The following TMEM217B variants were observed in gnomAD, a reference collection of about 807,000 sequenced individuals.
The protein encoded by TMEM217B is transmembrane protein 217B, also known as putative transmembrane protein 217B.
the TMEM217B span, among the ~76,000 whole-genome samples, chr6:37,246,565 C>T: frequency 2.8e-4 from 43 of 152,144 alleles, no homozygotes; most frequent in African/African-American, 9.9e-4. Flanking sequence ...TGGCTTCTGA[C>T]CCTGCTGTGC....
At chr6:37,228,722 G>GC in the TMEM217B span, among the ~76,000 whole-genome samples, 1 of 150,996 alleles carries the variant, frequency 6.6e-6, no homozygotes. Flanking sequence ...TAATAGCTGG[G>GC]CGCAGTGGCT....
At chr6:37,249,444 C>A in the TMEM217B span, among the ~76,000 whole-genome samples, 1 of 152,088 alleles carries the variant, frequency 6.6e-6, no homozygotes, top group Non-Finnish European at 1.5e-5. Context: ...CTCAGCCTCC[C>A]AAGTAGCTGG....
chr6:37,218,328 C>G, the TMEM217B span: 1 of 1,201,108 alleles, frequency 8.3e-7, no homozygotes, highest in Non-Finnish European at 1.1e-6. Flanking sequence ...GCCGCCACGC[C>G]TGGCTAATTT....
At chr6:37,218,488 T>A in the TMEM217B span, 1 of 1,614,048 alleles carries the variant, frequency 6.2e-7, no homozygotes, top group Admixed American at 1.7e-5. Context: ...AAATTGATAA[T>A]CTTTTATTTC....
At chr6:37,240,027 C>CCT in the TMEM217B span, among the ~76,000 whole-genome samples, 2 of 152,048 alleles carry the variant, frequency 1.3e-5, no homozygotes. Context: ...TGGTCAGTAG[C>CCT]CTCTGGGTAA....
At chr6:37,231,671 C>CA in the TMEM217B span, among the ~76,000 whole-genome samples, 1,822 of 60,144 alleles carry the variant, frequency 0.03, 45 homozygotes, top group African/African-American at 0.086. Flanking sequence ...GACTCCATCT[C>CA]AAAAAAAAAA....
chr6:37,229,352 T>TGTTTTG, the TMEM217B span, among the ~76,000 whole-genome samples: 1 of 137,018 alleles, frequency 7.3e-6, no homozygotes, highest in Non-Finnish European at 1.6e-5. Flanking sequence ...TTTTTTTTTT[T>TGTTTTG]TTTTTTTTGA....
the TMEM217B span, among the ~76,000 whole-genome samples, chr6:37,224,904 C>T: frequency 1.1e-4 from 17 of 151,494 alleles, no homozygotes; most frequent in Admixed American, 9.2e-4. Flanking sequence ...GAAGACCAGT[C>T]ATGGTGGCTC....
chr6:37,229,134 C>T, the TMEM217B span, among the ~76,000 whole-genome samples: 2 of 152,164 alleles, frequency 1.3e-5, no homozygotes, highest in Non-Finnish European at 2.9e-5. Context: ...TTTATTTCCT[C>T]GTTGATAGTT....
the TMEM217B span, chr6:37,218,447 G>A: frequency 6.2e-7 from 1 of 1,610,504 alleles, no homozygotes; most frequent in Non-Finnish European, 8.5e-7. Context: ...AAAGTACTGG[G>A]ATTCCAGGTG....
At chr6:37,225,610 C>A in the TMEM217B span, among the ~76,000 whole-genome samples, 7 of 152,212 alleles carry the variant, frequency 4.6e-5, no homozygotes, top group South Asian at 4.1e-4. Context: ...AGATAGCAAA[C>A]GTCCTCTTTG....
At chr6:37,214,158 A>G in the TMEM217B span, among the ~76,000 whole-genome samples, 4 of 152,234 alleles carry the variant, frequency 2.6e-5, no homozygotes, top group African/African-American at 9.6e-5. Context: ...TGAATGTGCA[A>G]TTCAGTGACA....
At chr6:37,215,503 A>G in the TMEM217B span, among the ~76,000 whole-genome samples, 1 of 133,446 alleles carries the variant, frequency 7.5e-6, no homozygotes, top group Non-Finnish European at 1.6e-5. Context: ...CCCGGGAGGT[A>G]GAGGTTGCAG....
the TMEM217B span, chr6:37,258,065 G>C: frequency 7.0e-7 from 1 of 1,426,620 alleles, no homozygotes; most frequent in Non-Finnish European, 9.5e-7. Flanking sequence ...CGCCACAGAG[G>C]CCAGAAGACT....
the TMEM217B span, among the ~76,000 whole-genome samples, chr6:37,224,796 G>A: frequency 6.6e-4 from 100 of 152,064 alleles, no homozygotes; most frequent in African/African-American, 2.4e-3. Context: ...ACAGTATGAT[G>A]ATAACCTTTT....
the TMEM217B span, among the ~76,000 whole-genome samples, chr6:37,238,387 T>A: frequency 1.5e-4 from 23 of 152,338 alleles, no homozygotes; most frequent in Middle Eastern, 3.4e-3. Context: ...AGCTGTGTTG[T>A]AGCAGACACC....
chr6:37,254,496 A>T, the TMEM217B span, among the ~76,000 whole-genome samples: 1 of 152,224 alleles, frequency 6.6e-6, no homozygotes, highest in Non-Finnish European at 1.5e-5. Flanking sequence ...AGTTTGAAGA[A>T]TACAATCTTT....
chr6:37,243,098 G>T, the TMEM217B span, among the ~76,000 whole-genome samples: 1 of 151,996 alleles, frequency 6.6e-6, no homozygotes. Context: ...CAGTTGCCCT[G>T]CCCCTACAAA....
At chr6:37,251,757 T>C in the TMEM217B span, among the ~76,000 whole-genome samples, 6 of 152,226 alleles carry the variant, frequency 3.9e-5, no homozygotes, top group Non-Finnish European at 5.9e-5. Flanking sequence ...TTTAATTATA[T>C]TTTAAGATTT....
Sources: gnomAD v4.1 joint callset for allele counts (sites outside exome capture counted in the v4.1 genomes callset) on GRCh38, gnomAD v4.1.1 for gene constraint, MANE v1.5 for transcripts, NCBI Gene and HGNC (gene_info 2026-07-23, HGNC 2026-07-21) for gene names.